The following MYO5B variants were observed in gnomAD, a reference collection of about 807,000 sequenced individuals.
MYO5B encodes myosin VB.
In MYO5B, 143 loss-of-function variants were observed where a neutral mutation model predicts 229.3. The observed-to-expected ratio is 0.62, with a 90% CI of 0.54 to 0.72. The LOEUF is 0.72. Ranked by LOEUF, MYO5B falls within the 30% of genes least tolerant of loss-of-function variation. MYO5B has a pLI of 0.00. For missense variants in MYO5B, 2,321 were observed against 2,331.0 expected, an observed-to-expected ratio of 1.00 and a Z score of 0.09; for synonymous variants, 918 against 885.2, an observed-to-expected ratio of 1.04 and a Z score of -0.66.
chr18:50,189,875 G>C (rs2033203959), intron 1 of MYO5B, among the ~76,000 whole-genome samples: 1 of 152,144 alleles, frequency 6.6e-6, no homozygotes, highest in African/African-American at 2.4e-5. Flanking sequence ...AAGCACAGAA[G>C]ATCTATTTTT....
chr18:50,014,368 TA>T (rs1351786992), intron 4 of MYO5B, among the ~76,000 whole-genome samples: 4 of 152,116 alleles, frequency 2.6e-5, no homozygotes, highest in African/African-American at 9.7e-5. Flanking sequence ...TGGTCTTCTT[TA>T]AAAAGACTTT....
At chr18:50,104,756 G>A (rs2144507821) in intron 1 of MYO5B, among the ~76,000 whole-genome samples, 1 of 152,236 alleles carries the variant, frequency 6.6e-6, no homozygotes, top group South Asian at 2.1e-4. Flanking sequence ...TGGGTCCTAG[G>A]GGAAAATTCT....
At chr18:49,869,536 G>C (rs1251301453) in intron 27 of MYO5B, among the ~76,000 whole-genome samples, 1 of 152,144 alleles carries the variant, frequency 6.6e-6, no homozygotes, top group African/African-American at 2.4e-5. Flanking sequence ...TAGACTTATG[G>C]CAGTTTAAGA....
chr18:50,036,767 G>T, intron 4 of MYO5B, 83 bp downstream of exon 4: 1 of 1,502,598 alleles, frequency 6.7e-7, no homozygotes, highest in Non-Finnish European at 9.2e-7. Flanking sequence ...CTCACTGTGA[G>T]CATCAGTTGC....
chr18:50,170,347 A>T (rs1599074632), intron 1 of MYO5B, among the ~76,000 whole-genome samples: 1 of 127,294 alleles, frequency 7.9e-6, no homozygotes, highest in Non-Finnish European at 1.7e-5. Flanking sequence ...TTTTGACTAG[A>T]CCACCACAAG....
At chr18:50,123,177 T>C (rs2032099109) in intron 1 of MYO5B, among the ~76,000 whole-genome samples, 1 of 152,098 alleles carries the variant, frequency 6.6e-6, no homozygotes, top group African/African-American at 2.4e-5. Flanking sequence ...GTCAAAGAAG[T>C]CAGGCACAAA....
chr18:50,020,103 A>G (rs900073410), intron 4 of MYO5B, among the ~76,000 whole-genome samples: 1 of 152,180 alleles, frequency 6.6e-6, no homozygotes, highest in African/African-American at 2.4e-5. Context: ...CTGTCTCATG[A>G]GAGACACAAT....
intron 4 of MYO5B, among the ~76,000 whole-genome samples, chr18:50,030,626 C>G (rs961127758): frequency 6.6e-6 from 1 of 152,038 alleles, no homozygotes; most frequent in Non-Finnish European, 1.5e-5. Flanking sequence ...CTCTCACCCT[C>G]ATGGGCTCCA....
intron 30 of MYO5B, 132 bp from the exon 31 acceptor site, chr18:49,853,779 A>T: frequency 1.2e-6 from 1 of 812,584 alleles, no homozygotes. Flanking sequence ...CAGAGGGATG[A>T]ATGCAGCAGG....
At chr18:49,934,335 T>C (rs2025226677) in intron 16 of MYO5B, among the ~76,000 whole-genome samples, 1 of 152,244 alleles carries the variant, frequency 6.6e-6, no homozygotes, top group Non-Finnish European at 1.5e-5. Flanking sequence ...CCCGGTATCA[T>C]GACATGGTCA....
chr18:49,855,526 G>A (rs2024252197), intron 30 of MYO5B, among the ~76,000 whole-genome samples: 1 of 152,220 alleles, frequency 6.6e-6, no homozygotes, highest in African/African-American at 2.4e-5. Flanking sequence ...ACTACTTGGT[G>A]GGACAGAAAT....
chr18:49,930,763 G>T (rs1358708012), intron 16 of MYO5B, among the ~76,000 whole-genome samples: 1 of 152,002 alleles, frequency 6.6e-6, no homozygotes, highest in Non-Finnish European at 1.5e-5. Flanking sequence ...GTGGTGGTGG[G>T]TGCCTGTAGT....
At chr18:49,899,930 T>TA (rs1568023377) in intron 21 of MYO5B, among the ~76,000 whole-genome samples, 2 of 151,096 alleles carry the variant, frequency 1.3e-5, no homozygotes, top group Non-Finnish European at 2.9e-5. Flanking sequence ...TTTTTTTATT[T>TA]TTTTTTTAAA....
chr18:49,893,291 G>GT (rs1177126824), intron 22 of MYO5B, among the ~76,000 whole-genome samples: 1 of 152,160 alleles, frequency 6.6e-6, no homozygotes, highest in African/African-American at 2.4e-5. Flanking sequence ...TGCAGGGAAT[G>GT]TTTTTTCTCC....
intron 1 of MYO5B, among the ~76,000 whole-genome samples, chr18:50,134,739 G>A (rs1405668428): frequency 6.6e-6 from 1 of 152,084 alleles, no homozygotes; most frequent in Non-Finnish European, 1.5e-5. Flanking sequence ...GGGAAACGGT[G>A]CCCTGGGGAT....
intron 22 of MYO5B, among the ~76,000 whole-genome samples, chr18:49,886,105 A>T (rs756305022): frequency 1.8e-4 from 27 of 152,002 alleles, no homozygotes; most frequent in Non-Finnish European, 3.5e-4. Flanking sequence ...ATGCCCGGCT[A>T]ATTTTTGTAT....
At chr18:50,000,841 T>G (rs1485065629) in intron 5 of MYO5B, among the ~76,000 whole-genome samples, 1 of 152,164 alleles carries the variant, frequency 6.6e-6, no homozygotes, top group African/African-American at 2.4e-5. Flanking sequence ...GGTTAAAAAA[T>G]ATTCTATCTA....
chr18:49,893,018 G>A (rs1403133505), intron 22 of MYO5B, among the ~76,000 whole-genome samples: 1 of 152,176 alleles, frequency 6.6e-6, no homozygotes, highest in Admixed American at 6.5e-5. Flanking sequence ...CTTAAGGAGA[G>A]GAGGAGGGAG....
At chr18:49,887,659 C>G in intron 22 of MYO5B, among the ~76,000 whole-genome samples, 1 of 152,134 alleles carries the variant, frequency 6.6e-6, no homozygotes. Flanking sequence ...GACATTTTTA[C>G]TTATAAATTA....
Sources: gnomAD v4.1 joint callset for allele counts (sites outside exome capture counted in the v4.1 genomes callset) on GRCh38, gnomAD v4.1.1 for gene constraint, MANE v1.5 for transcripts, NCBI Gene and HGNC (gene_info 2026-07-23, HGNC 2026-07-21) for gene names.